The following GRIN2A variants were observed in gnomAD, a reference collection of about 807,000 sequenced individuals.
GRIN2A encodes the protein glutamate ionotropic receptor NMDA type subunit 2A.
In GRIN2A, 22 loss-of-function variants were observed where a neutral mutation model predicts 113.4. The observed-to-expected ratio is 0.19, with a 90% CI of 0.14 to 0.28. The LOEUF (loss-of-function observed/expected upper bound fraction) is 0.28. Among genes scored for constraint, GRIN2A ranks in the 10% least tolerant of loss-of-function variants. The pLI is 1.00. For synonymous variants in GRIN2A, 827 were observed against 738.4 expected, an observed-to-expected ratio of 1.12 and a Z score of -1.94; for missense variants, 1,502 against 1,887.0, an observed-to-expected ratio of 0.80 and a Z score of 3.78.
At chr16:9,854,955 G>C (rs2042943015) in intron 4 of GRIN2A, among the ~76,000 whole-genome samples, 2 of 151,760 alleles carry the variant, frequency 1.3e-5, no homozygotes, top group South Asian at 4.2e-4. Context: ...CCAAACTTCT[G>C]GTTATATTTA....
Position 10,129,523 on chromosome 16 carries a change from C to T in GRIN2A, c.414+50475G>A, listed in dbSNP as rs77282668. On this transcript the variant is annotated intron_variant, in intron 2 of 12. Transcript: ENST00000330684. ...CTGTCACAGTCAGCAATGTTTGAGA[C>T]GAAACTTGAATGGTGAGAACAAGAC... Among the ~76,000 whole-genome samples the T allele has an allele frequency of 2.3e-3, 355 of 152,098 alleles. 2 individuals are homozygous for T. In the East Asian group the frequency reaches 0.039, roughly 17 times the overall value.
At chr16:9,793,063 C>G (rs1902718271) in intron 11 of GRIN2A, among the ~76,000 whole-genome samples, 1 of 152,212 alleles carries the variant, frequency 6.6e-6, no homozygotes, top group African/African-American at 2.4e-5. Flanking sequence ...GATTCTTGCT[C>G]ATGGTAAAGC....
At chr16:10,105,157 G>T (rs58107172) in intron 2 of GRIN2A, among the ~76,000 whole-genome samples, 4,827 of 152,060 alleles carry the variant, frequency 0.032, 259 homozygotes, top group East Asian at 0.27. Context: ...GAGAAGCCTG[G>T]AGAAGCCTGG....
chr16:10,047,780 G>A (rs764201348), intron 2 of GRIN2A, among the ~76,000 whole-genome samples: 12 of 152,122 alleles, frequency 7.9e-5, no homozygotes, highest in Non-Finnish European at 1.8e-4. Flanking sequence ...GATGACTAAT[G>A]GGCACAGGAG....
In GRIN2A at chr16:9,764,665, A is replaced by T. The variant is rs1445257808; in HGVS notation, c.2879T>A (p.Met960Lys). Residue 960 changes from methionine (M) to lysine (K), a missense_variant, in exon 13 of 13, where the codon ATG (methionine) becomes AAG (lysine). By Grantham distance (95) the Met-to-Lys change is moderately conservative (BLOSUM62 -1). Around this residue, in one of 7 missense-constraint regions of GRIN2A, gnomAD observed 832 missense variants for 789.7 expected, o/e 1.05. Transcript: ENST00000330684. The part of the protein sequence containing the change: ...QGKESIFGDN[M>K]NELQTFVANR... ...GGCCACAAATGTTTGGAGTTCGTTCATGTTGTCTCCAAAAATGCTCTCTTT... is the reference window on the plus strand; with the variant it reads ...GGCCACAAATGTTTGGAGTTCGTTCTTGTTGTCTCCAAAAATGCTCTCTTT... 4 of 1,614,140 alleles carry T rather than the reference A, an allele frequency of 2.5e-6. No individual in the cohort carries two copies. The highest frequency in any genetic ancestry group is 2.5e-6 in the Non-Finnish European group (3 of 1,180,006).
chr16:9,858,467 C>T (rs1174341215), intron 4 of GRIN2A, among the ~76,000 whole-genome samples: 3 of 151,918 alleles, frequency 2.0e-5, no homozygotes, highest in African/African-American at 7.3e-5. Flanking sequence ...AAATCTTTAC[C>T]TTTAAAATAA....
At position 9,762,231 on chromosome 16, in the gene GRIN2A, C is replaced by T. The variant is rs1202340230; in HGVS notation, c.*918G>A. ...TCTGGGAGGGAAGGGGTAACAGATA[C>T]TATACAACCCTGAGTCATCACCAGA... On this transcript the variant is annotated 3_prime_UTR_variant, in exon 13 of 13. Transcript: ENST00000330684. 4.5e-6 allele frequency: 1 copy of T among 223,616 alleles called. No homozygotes were observed. The highest frequency in any genetic ancestry group is 8.9e-6 in the Non-Finnish European group (1 of 111,764). The allele number at this position is 223,616 out of a possible 1,614,324, so 13.9% of individuals were successfully genotyped here.
chr16:9,937,627 G>A (rs1363770803), intron 3 of GRIN2A: 2 of 356,212 alleles, frequency 5.6e-6, no homozygotes, highest in African/African-American at 4.2e-5. Flanking sequence ...AGACTTATCT[G>A]GGTTCAAATC....
intron 2 of GRIN2A, among the ~76,000 whole-genome samples, chr16:9,943,832 C>T (rs150915575): frequency 4.0e-4 from 61 of 152,238 alleles, no homozygotes; most frequent in African/African-American, 8.7e-4. Flanking sequence ...GCATTGTGCC[C>T]CATGCAAGTC....
chr16:10,079,594 C>T (rs757487478), intron 2 of GRIN2A, among the ~76,000 whole-genome samples: 15 of 152,184 alleles, frequency 9.9e-5, no homozygotes, highest in Non-Finnish European at 1.6e-4. Context: ...GAGAGATCAA[C>T]GGCCCCTTCC....
Position 10,067,442 on chromosome 16 carries a change from T to C in GRIN2A, c.414+112556A>G, listed in dbSNP as rs1168000293. Among the ~76,000 whole-genome samples, 6 of 152,184 alleles carry C rather than the reference T, an allele frequency of 3.9e-5. No homozygotes were observed. The South Asian group carries it at 1.2e-3, about 32-fold the overall frequency. Reference sequence around the variant, plus strand: ...GGCAAAATAAAAAATATATTGCACATTTTCTAGACAGCCTGTTAGCATCCA... The same window carrying C: ...GGCAAAATAAAAAATATATTGCACACTTTCTAGACAGCCTGTTAGCATCCA... On this transcript the variant is annotated intron_variant, in intron 2 of 12. Transcript: ENST00000330684.
chr16:10,071,070 T>C (rs912290263), intron 2 of GRIN2A, among the ~76,000 whole-genome samples: 6 of 152,166 alleles, frequency 3.9e-5, no homozygotes, highest in Non-Finnish European at 7.3e-5. Context: ...CGATAGGCAG[T>C]ATTGATCAGA....
At chr16:10,088,098 T>C (rs1363661335) in intron 2 of GRIN2A, among the ~76,000 whole-genome samples, 2 of 152,160 alleles carry the variant, frequency 1.3e-5, no homozygotes, top group African/African-American at 4.8e-5. Flanking sequence ...TTGAAAGCTT[T>C]TGTTGTTGTT....
At chr16:10,012,626 T>A (rs1363724495) in intron 2 of GRIN2A, among the ~76,000 whole-genome samples, 2 of 152,212 alleles carry the variant, frequency 1.3e-5, no homozygotes, top group Non-Finnish European at 2.9e-5. Flanking sequence ...AAAGGGACTT[T>A]GCAGATGTGA....
intron 10 of GRIN2A, among the ~76,000 whole-genome samples, chr16:9,806,643 AAG>A (rs1407300125): frequency 6.6e-6 from 1 of 152,112 alleles, no homozygotes; most frequent in Non-Finnish European, 1.5e-5. Context: ...CGGAGACAGA[AAG>A]AGAGAAAAAC....
At chr16:10,163,992 T>C (rs1036686046) in intron 2 of GRIN2A, among the ~76,000 whole-genome samples, 1 of 152,230 alleles carries the variant, frequency 6.6e-6, no homozygotes, top group African/African-American at 2.4e-5. Flanking sequence ...AATAAGTTTA[T>C]GGCTTAAGGC....
chr16:9,961,787 C>G (rs2045447845), intron 2 of GRIN2A, among the ~76,000 whole-genome samples: 1 of 151,844 alleles, frequency 6.6e-6, no homozygotes, highest in Admixed American at 6.6e-5. Context: ...CTTTAAAGTT[C>G]ATATGGAACC....
intron 2 of GRIN2A, among the ~76,000 whole-genome samples, chr16:10,147,817 T>A (rs1483700859): frequency 1.3e-5 from 2 of 152,178 alleles, no homozygotes; most frequent in Non-Finnish European, 2.9e-5. Flanking sequence ...TTCCCTTTTA[T>A]AGCAAAAATG....
At chr16:10,102,388 C>G (rs377211130) in intron 2 of GRIN2A, among the ~76,000 whole-genome samples, 5 of 152,322 alleles carry the variant, frequency 3.3e-5, no homozygotes, top group African/African-American at 7.2e-5. Flanking sequence ...CTTTCACCTT[C>G]CACCATGATT....
Sources: gnomAD v4.1 joint callset for allele counts (sites outside exome capture counted in the v4.1 genomes callset) on GRCh38, gnomAD v4.1.1 for gene constraint, gnomAD v4.1.1 regional missense constraint, MANE v1.5 for transcripts, NCBI Gene and HGNC (gene_info 2026-07-23, HGNC 2026-07-21) for gene names.